CADM2: variants seen among roughly 807,000 people sequenced by gnomAD.
The protein encoded by CADM2 is cell adhesion molecule 2.
CADM2 carries 12 observed loss-of-function variants against 49.8 expected under a neutral mutation model. The observed-to-expected ratio is 0.24, with a 90% CI of 0.15 to 0.39. The LOEUF is 0.39. Ranked by LOEUF, CADM2 falls within the 10% of genes least tolerant of loss-of-function variation. CADM2 has a pLI of 1.00. For synonymous variants in CADM2, 214 were observed against 175.4 expected, an observed-to-expected ratio of 1.22 and a Z score of -1.74; for missense variants, 378 against 492.3, an observed-to-expected ratio of 0.77 and a Z score of 2.20.
chr3:85,153,239 G>A (rs886451951), intron 1 of CADM2, among the ~76,000 whole-genome samples: 6 of 152,142 alleles, frequency 3.9e-5, no homozygotes, highest in Admixed American at 6.5e-5. Flanking sequence ...CACCCTGCGC[G>A]AGCCGAAGCA....
intron 1 of CADM2, among the ~76,000 whole-genome samples, chr3:85,290,484 C>G (rs2043758958): frequency 6.6e-6 from 1 of 152,188 alleles, no homozygotes; most frequent in African/African-American, 2.4e-5. Context: ...TCTCTGGGGG[C>G]AGGGAACAGA....
chr3:85,592,286 A>G (rs1325153454), intron 1 of CADM2, among the ~76,000 whole-genome samples: 1 of 151,990 alleles, frequency 6.6e-6, no homozygotes, highest in Non-Finnish European at 1.5e-5. Flanking sequence ...GATGATTATT[A>G]AAAAGAATTT....
chr3:85,891,335 A>G (rs1208208459), intron 5 of CADM2, among the ~76,000 whole-genome samples: 1 of 152,200 alleles, frequency 6.6e-6, no homozygotes, highest in Non-Finnish European at 1.5e-5. Flanking sequence ...ATTTGCTATT[A>G]CAAAACCATG....
At chr3:85,169,123 T>C (rs2040552040) in intron 1 of CADM2, among the ~76,000 whole-genome samples, 1 of 151,920 alleles carries the variant, frequency 6.6e-6, no homozygotes, top group South Asian at 2.1e-4. Flanking sequence ...CAGCTAGTTT[T>C]GTTTTGTTCT....
At chr3:85,846,036 G>C (rs2074864253) in intron 3 of CADM2, among the ~76,000 whole-genome samples, 1 of 152,028 alleles carries the variant, frequency 6.6e-6, no homozygotes, top group African/African-American at 2.4e-5. Flanking sequence ...CCAAATAAAA[G>C]AAAGAAAGCA....
At chr3:85,755,067 A>T (rs1443556744) in intron 2 of CADM2, among the ~76,000 whole-genome samples, 1 of 152,190 alleles carries the variant, frequency 6.6e-6, no homozygotes, top group South Asian at 2.1e-4. Context: ...TGGACGTCCT[A>T]CAATTTAACT....
intron 2 of CADM2, among the ~76,000 whole-genome samples, chr3:85,762,696 C>CTA (rs1489740372): frequency 6.6e-6 from 1 of 151,110 alleles, no homozygotes; most frequent in Non-Finnish European, 1.5e-5. Context: ...AAATAATGTA[C>CTA]TATATATATG....
At chr3:86,063,532 G>A (rs1738941281) in intron 8 of CADM2, among the ~76,000 whole-genome samples, 1 of 152,148 alleles carries the variant, frequency 6.6e-6, no homozygotes, top group Admixed American at 6.5e-5. Context: ...CATAGTCCAT[G>A]ACATATTTGA....
In CADM2 at chr3:85,321,114, ATATTTTTTTTTTTTTTTTTTTTTT is replaced by A. The variant is rs2044594908; in HGVS notation, c.61+361448_61+361471del. On this transcript the variant is annotated intron_variant, in intron 1 of 9. Coordinates refer to ENST00000383699, the MANE Select transcript of CADM2 (RefSeq NM_001167675.2). ...TACATATATATATATATATATATAT[ATATTTTTTTTTTTTTTTTTTTTTT>A]TTTTTTTTTTTTTTTTTTTTTTTTT... 5.3e-4 allele frequency among the ~76,000 whole-genome samples: 18 copies of A among 34,164 alleles called. 1 individual carries two copies. Among genetic ancestry groups the A allele is most frequent in the African/African-American group, 1.1e-3 (15 of 13,444 alleles). 22.4% of individuals were successfully genotyped at this position (34,164 alleles called of 152,430 possible). A position where few individuals can be genotyped will look rare whatever the true frequency, so the allele number is the denominator to read the frequency against.
chr3:85,400,515 G>A (rs570552347), intron 1 of CADM2, among the ~76,000 whole-genome samples: 103 of 152,276 alleles, frequency 6.8e-4, no homozygotes, highest in African/African-American at 2.5e-3. Flanking sequence ...AGTAGTTTCA[G>A]AAGGAATGGT....
chr3:85,430,219 C>T (rs1214975712), intron 1 of CADM2, among the ~76,000 whole-genome samples: 1 of 152,134 alleles, frequency 6.6e-6, no homozygotes, highest in Non-Finnish European at 1.5e-5. Context: ...GACTAGGGTA[C>T]AGATCCTTTT....
chr3:85,216,269 T>C (rs1251331244), intron 1 of CADM2, among the ~76,000 whole-genome samples: 1 of 147,448 alleles, frequency 6.8e-6, no homozygotes, highest in Admixed American at 6.8e-5. Context: ...TTTAATAGTT[T>C]ATCTATTAAA....
intron 1 of CADM2, among the ~76,000 whole-genome samples, chr3:85,350,084 A>C (rs1487342585): frequency 6.6e-6 from 1 of 152,250 alleles, no homozygotes; most frequent in Non-Finnish European, 1.5e-5. Context: ...GGAATATTAA[A>C]GGAACACTAA....
chr3:85,267,593 A>G (rs1438149678), intron 1 of CADM2, among the ~76,000 whole-genome samples: 3 of 151,652 alleles, frequency 2.0e-5, no homozygotes, highest in Admixed American at 1.3e-4. Flanking sequence ...ACAAAATAGA[A>G]AGTAAGTTCC....
chr3:85,029,547 GTA>G (rs149659591), intron 1 of CADM2, among the ~76,000 whole-genome samples: 2 of 152,188 alleles, frequency 1.3e-5, no homozygotes, highest in African/African-American at 4.8e-5. Flanking sequence ...AATTTGAAAG[GTA>G]TATATATTGG....
chr3:85,308,937 A>G (rs1316536552), intron 1 of CADM2, among the ~76,000 whole-genome samples: 10 of 152,098 alleles, frequency 6.6e-5, no homozygotes, highest in Admixed American at 6.6e-4. Flanking sequence ...TTTTATAGTC[A>G]GTTAAATCAT....
chr3:85,103,307 G>A (rs889680789), intron 1 of CADM2, among the ~76,000 whole-genome samples: 4 of 151,616 alleles, frequency 2.6e-5, no homozygotes, highest in Admixed American at 1.3e-4. Context: ...TTTTCTTTAC[G>A]TATAAATAAA....
rs574208457 is a variant in CADM2, at chr3:85,803,971, A to C, written c.238+1775A>C. ...AGTTAATACCTAATACTCAAGTAGAACTTTATTATTTAGAAAGAGATTTAA... is the reference window on the plus strand; with the variant it reads ...AGTTAATACCTAATACTCAAGTAGACCTTTATTATTTAGAAAGAGATTTAA... On this transcript the variant is annotated intron_variant, in intron 3 of 9. Transcript: ENST00000383699. 1.3e-3 allele frequency among the ~76,000 whole-genome samples: 204 copies of C among 152,282 alleles called. No homozygotes were observed. The Middle Eastern group carries it at 0.02, about 15-fold the overall frequency.
chr3:85,060,929 T>C (rs1162731296), intron 1 of CADM2, among the ~76,000 whole-genome samples: 1 of 152,058 alleles, frequency 6.6e-6, no homozygotes, highest in East Asian at 1.9e-4. Flanking sequence ...ATAATATAAA[T>C]AATCCCATCC....
Sources: allele counts gnomAD v4.1 joint callset (sites outside exome capture counted in the v4.1 genomes callset), GRCh38; gene constraint gnomAD v4.1.1; transcripts MANE v1.5; gene names NCBI Gene and HGNC (gene_info 2026-07-23, HGNC 2026-07-21).